PBX1: variants seen among roughly 807,000 people sequenced by gnomAD.
The protein encoded by PBX1 is pre-B-cell leukemia transcription factor 1.
PBX1 carries 6 observed loss-of-function variants against 53.4 expected under a neutral mutation model. The ratio of observed to expected loss-of-function variants is 0.11; its 90% CI spans 0.06 to 0.22. PBX1 has a LOEUF of 0.22. PBX1 is among the 10% of genes least tolerant of loss of function. The probability of loss-of-function intolerance (pLI) is 1.00; values close to 1 mark genes in which losing one functional copy is unlikely to be tolerated. For synonymous variants in PBX1, 204 were observed against 212.3 expected (o/e 0.96, Z 0.34); for missense variants, 251 against 551.4 (o/e 0.46, Z 5.46).
At chr1:164,694,648 C>T (rs150554508) in intron 2 of PBX1, among the ~76,000 whole-genome samples, 1 of 152,132 alleles carries the variant, frequency 6.6e-6, no homozygotes, top group Non-Finnish European at 1.5e-5. Flanking sequence ...TCCTGTATTC[C>T]GTCTTTTATC....
At chr1:164,724,939 G>A (rs192615025) in intron 2 of PBX1, among the ~76,000 whole-genome samples, 7 of 151,996 alleles carry the variant, frequency 4.6e-5, no homozygotes, top group Admixed American at 2.6e-4. Context: ...ACAATTGCTC[G>A]GATCCCTTTA....
At chr1:164,605,811 A>C (rs970427329) in intron 2 of PBX1, among the ~76,000 whole-genome samples, 2 of 152,246 alleles carry the variant, frequency 1.3e-5, no homozygotes, top group East Asian at 3.8e-4. Context: ...ATCTATTTGC[A>C]TACCAATTCC....
At chr1:164,579,964 A>C (rs1004867219) in intron 2 of PBX1, among the ~76,000 whole-genome samples, 1 of 152,184 alleles carries the variant, frequency 6.6e-6, no homozygotes, top group Admixed American at 6.5e-5. Context: ...AATGAGAGAG[A>C]GGCTGACTTG....
At chr1:164,731,366 G>A (rs1315883524) in intron 2 of PBX1, among the ~76,000 whole-genome samples, 1 of 150,268 alleles carries the variant, frequency 6.7e-6, no homozygotes, top group Non-Finnish European at 1.5e-5. Flanking sequence ...CCTGTCACTT[G>A]ATGAGGTCCC....
chr1:164,835,574 A>AT (rs1480523672), intron 8 of PBX1, among the ~76,000 whole-genome samples: 1 of 152,072 alleles, frequency 6.6e-6, no homozygotes, highest in African/African-American at 2.4e-5. Flanking sequence ...GCGATTGAAC[A>AT]TTTTTTATAT....
chr1:164,663,747 T>G (rs532714003), intron 2 of PBX1, among the ~76,000 whole-genome samples: 1 of 152,364 alleles, frequency 6.6e-6, no homozygotes, highest in Admixed American at 6.5e-5. Flanking sequence ...TAGCAAAGTA[T>G]GTTGAAGTGT....
chr1:164,853,258 G>A (rs1002536393), downstream of PBX1, among the ~76,000 whole-genome samples: 5 of 152,164 alleles, frequency 3.3e-5, no homozygotes, highest in African/African-American at 7.2e-5. Context: ...CTAAATGCAA[G>A]GGTTAGGGGT....
chr1:164,844,900 A>G (rs530394490), intron 8 of PBX1, among the ~76,000 whole-genome samples: 5 of 152,362 alleles, frequency 3.3e-5, no homozygotes, highest in Non-Finnish European at 7.3e-5. Context: ...TAATCTGTTT[A>G]TCACAAACAG....
chr1:164,743,319 T>A (rs964544392), intron 2 of PBX1, among the ~76,000 whole-genome samples: 2 of 152,154 alleles, frequency 1.3e-5, no homozygotes, highest in Non-Finnish European at 2.9e-5. Context: ...AATTGTGTGT[T>A]TTTTAAATTT....
chr1:164,570,353 C>G (rs1238766892), intron 2 of PBX1, among the ~76,000 whole-genome samples: 1 of 152,086 alleles, frequency 6.6e-6, no homozygotes, highest in East Asian at 1.9e-4. Context: ...TGCTCTCCGT[C>G]CCCTTGTCCC....
At chr1:164,694,967 ACT>A (rs774280861) in intron 2 of PBX1, among the ~76,000 whole-genome samples, 18 of 151,864 alleles carry the variant, frequency 1.2e-4, no homozygotes, top group Admixed American at 3.3e-4. Flanking sequence ...CTGCCAGGAG[ACT>A]CTTAACATGC....
At chr1:164,781,960 T>C (rs1354596557) in intron 2 of PBX1, among the ~76,000 whole-genome samples, 2 of 152,284 alleles carry the variant, frequency 1.3e-5, no homozygotes, top group Admixed American at 1.3e-4. Flanking sequence ...TCTAGATTTT[T>C]ATCTTATTTT....
chr1:164,803,450 C>T (rs1283302958), intron 4 of PBX1, among the ~76,000 whole-genome samples: 2 of 152,176 alleles, frequency 1.3e-5, no homozygotes, highest in African/African-American at 4.8e-5. Context: ...TTACTATATG[C>T]GTGAGACACA....
intron 2 of PBX1, among the ~76,000 whole-genome samples, chr1:164,694,026 C>G (rs1662655352): frequency 6.6e-6 from 1 of 152,108 alleles, no homozygotes; most frequent in South Asian, 2.1e-4. Context: ...TCTCAGATGT[C>G]ACAGAACTAG....
At chr1:164,866,146 C>G (rs1440795800) in intron 2 of PBX1, among the ~76,000 whole-genome samples, 1 of 152,116 alleles carries the variant, frequency 6.6e-6, no homozygotes, top group African/African-American at 2.4e-5. Context: ...GTTTTAAAAC[C>G]AATAAAGCCA....
chr1:164,667,708 G>A (rs994193731), intron 2 of PBX1, among the ~76,000 whole-genome samples: 4 of 152,124 alleles, frequency 2.6e-5, no homozygotes, highest in Non-Finnish European at 4.4e-5. Flanking sequence ...TAATTTTGCC[G>A]AGACAACGCA....
At chr1:164,570,572 G>A (rs951033599) in intron 2 of PBX1, among the ~76,000 whole-genome samples, 7 of 152,318 alleles carry the variant, frequency 4.6e-5, no homozygotes, top group South Asian at 2.1e-4. Flanking sequence ...ATTCCATGGT[G>A]TATATGTGCC....
Position 164,884,030 on chromosome 1 carries a change from A to G in PBX1, n.258-15158A>G, listed in dbSNP as rs76317343. 6.1e-3 allele frequency among the ~76,000 whole-genome samples: 922 copies of G among 152,318 alleles called. 6 individuals carry two copies. Among genetic ancestry groups the G allele is most frequent in the African/African-American group, 0.019 (787 of 41,568 alleles). ...GAAAACCATTGGTCAAATTACGAGCATGCAGATTTAAGTCCTGGGTTTGCA... is the reference window on the plus strand; with the variant it reads ...GAAAACCATTGGTCAAATTACGAGCGTGCAGATTTAAGTCCTGGGTTTGCA... On this transcript the variant is annotated intron_variant and non_coding_transcript_variant, in intron 2 of 2. Coordinates refer to the PBX1 transcript ENST00000558796.
chr1:164,809,707 T>A (rs1383092816), intron 5 of PBX1, among the ~76,000 whole-genome samples: 1 of 152,188 alleles, frequency 6.6e-6, no homozygotes, highest in African/African-American at 2.4e-5. Flanking sequence ...TCTTTTGAAA[T>A]CTACTAAAAG....
Sources: gnomAD v4.1 joint callset for allele counts (sites outside exome capture counted in the v4.1 genomes callset) on GRCh38, gnomAD v4.1.1 for gene constraint, MANE v1.5 for transcripts, NCBI Gene and HGNC (gene_info 2026-07-23, HGNC 2026-07-21) for gene names.